DUS4L: variants seen among roughly 807,000 people sequenced by gnomAD.
The protein encoded by DUS4L is dihydrouridine synthase 4 like, also known as tRNA-dihydrouridine(20a/20b) synthase [NAD(P)+]-like.
DUS4L carries 31 observed loss-of-function variants against 33.8 expected under a neutral mutation model. The ratio of observed to expected loss-of-function variants is 0.92; its 90% CI spans 0.69 to 1.24. The LOEUF (loss-of-function observed/expected upper bound fraction) is 1.24. Among genes scored for constraint, DUS4L ranks in the 50% most tolerant of loss-of-function variants. The pLI, the probability that DUS4L is intolerant of heterozygous loss-of-function variation, is 0.00. For missense variants in DUS4L, 368 were observed against 388.6 expected (o/e 0.95, Z 0.45); for synonymous variants, 103 against 120.3 (o/e 0.86, Z 0.94).
At position 107,577,378 on chromosome 7, in the gene DUS4L, C is replaced by T. The variant is rs1805846854; in HGVS notation, c.772C>T (p.Leu258=). The change falls in exon 8 of 8, where the codon CTG becomes TTG. Residue 258 remains leucine (L), a synonymous_variant. Coordinates refer to ENST00000265720, the MANE Select transcript of DUS4L (RefSeq NM_181581.3). ...AMFAGYEETP[L]KCIWDWVDIA... ...GTTTGCTGGATATGAGGAAACCCCA[C>T]TGAAATGCATCTGGGACTGGGTTGA... 1.9e-6 allele frequency: 3 copies of T among 1,614,078 alleles called. No individual in the cohort carries two copies. The highest frequency in any genetic ancestry group is 2.2e-5 in the East Asian group (1 of 44,872).
intron 7 of DUS4L, 55 bp downstream of exon 7, chr7:107,576,647 G>A: frequency 7.0e-7 from 1 of 1,433,934 alleles, no homozygotes; most frequent in Non-Finnish European, 9.5e-7. Context: ...ATGAGAGTGG[G>A]GAAGTAATGT....
chr7:107,574,946 TTTAAC>T (rs1222700222), intron 5 of DUS4L: 4 of 502,740 alleles, frequency 8.0e-6, no homozygotes, highest in Non-Finnish European at 1.4e-5. Context: ...TTGAATGACT[TTTAAC>T]TTAATATTCT....
chr7:107,572,960 TA>T (rs1020295704), intron 4 of DUS4L, among the ~76,000 whole-genome samples: 53 of 152,212 alleles, frequency 3.5e-4, no homozygotes, highest in African/African-American at 9.9e-4. Flanking sequence ...TTTGTTTTAT[TA>T]AAAAAATTAC....
Position 107,564,220 on chromosome 7 carries a change from G to T in DUS4L, c.-111+11G>T. The T allele has an allele frequency of 1.7e-6, 1 of 589,292 alleles. No homozygotes were observed. Among genetic ancestry groups the T allele is most frequent in the Non-Finnish European group, 3.0e-6 (1 of 330,380 alleles). The allele number at this position is 589,292 out of a possible 1,614,324, so 36.5% of individuals were successfully genotyped here. ...CTAGCCAAGGAGAAGGTGGGCACCGGAACGTGGCCGCAGCGCTTATCTGTG... is the reference window on the plus strand; with the variant it reads ...CTAGCCAAGGAGAAGGTGGGCACCGTAACGTGGCCGCAGCGCTTATCTGTG... On this transcript the variant is annotated intron_variant, in intron 1 of 7. Transcript: ENST00000265720.
chr7:107,573,894 T>C (rs899972925), intron 5 of DUS4L, 73 bp downstream of exon 5: 1 of 1,399,130 alleles, frequency 7.1e-7, no homozygotes, highest in South Asian at 1.9e-5. Flanking sequence ...GTAAAATATC[T>C]TTCTAGTTTT....
rs1804304632 is a variant in DUS4L, at chr7:107,564,131, G to T, written c.-189G>T. On this transcript the variant is annotated 5_prime_UTR_variant, in exon 1 of 8. Transcript: ENST00000265720. ...GCACCGAGGGAGCCAAGGCCGTCGGGCCGGCGCTTTCAGCTGTCTCTCGCA... is the reference window on the plus strand; with the variant it reads ...GCACCGAGGGAGCCAAGGCCGTCGGTCCGGCGCTTTCAGCTGTCTCTCGCA... 1.1e-6 allele frequency: 1 copy of T among 919,878 alleles called. No individual in the cohort carries two copies. Among genetic ancestry groups the T allele is most frequent in the Non-Finnish European group, 1.6e-6 (1 of 613,614 alleles). 57.0% of individuals were successfully genotyped at this position (919,878 alleles called of 1,614,324 possible).
chr7:107,576,721 C>T (rs1163978487), intron 7 of DUS4L, 129 bp downstream of exon 7: 1 of 852,074 alleles, frequency 1.2e-6, no homozygotes, highest in African/African-American at 1.8e-5. Context: ...CTGTTTTAAG[C>T]TAAGCGATTT....
In DUS4L at chr7:107,575,237, C is replaced by T. The variant is rs1805623433; in HGVS notation, c.406C>T (p.Leu136Phe). Residue 136 changes from leucine (L) to phenylalanine (F), a missense_variant, in exon 6 of 8, where the codon CTT (leucine) becomes TTT (phenylalanine). Leu to Phe is a conservative substitution (Grantham distance 22). Coordinates refer to ENST00000265720, the MANE Select transcript of DUS4L (RefSeq NM_181581.3). ...GGCTTGCTTAATAAACAAGCCAGAG[C>T]TTGTTCAAGACATGGTGAAACAAGT... ...YGACLINKPE[L>F]VQDMVKQVRN... The T allele has an allele frequency of 6.2e-7, 1 of 1,609,560 alleles. No homozygotes were observed. Among genetic ancestry groups the T allele is most frequent in the African/African-American group, 1.3e-5 (1 of 74,512 alleles).
At chr7:107,576,227 C>A in intron 6 of DUS4L, 139 bp from the exon 7 acceptor site, 1 of 827,754 alleles carries the variant, frequency 1.2e-6, no homozygotes. Context: ...TGAAGAAAAC[C>A]TTGCTGATAA....
Position 107,577,450 on chromosome 7 carries a change from T to G in DUS4L, c.844T>G (p.Leu282Val). 6.2e-7 allele frequency: 1 copy of G among 1,614,124 alleles called. No homozygotes were observed. Among genetic ancestry groups the G allele is most frequent in the East Asian group, 2.2e-5 (1 of 44,878 alleles). The change falls in exon 8 of 8, where the codon TTA becomes GTA. Residue 282 changes from leucine to valine, a missense_variant. Physicochemically the swap from Leu to Val is conservative, Grantham distance 32. Transcript: ENST00000265720. Reference sequence around the variant, plus strand: ...TCCTTACATGTGTTTCCATCAACATTTAATGTACATGATGGAAAAGATAAC... The same window carrying G: ...TCCTTACATGTGTTTCCATCAACATGTAATGTACATGATGGAAAAGATAAC... ...GTPYMCFHQH[L>V]MYMMEKITSR...
Position 107,577,624 on chromosome 7 carries a change from A to G in DUS4L, c.*64A>G. 6.6e-7 allele frequency: 1 copy of G among 1,515,656 alleles called. No individual in the cohort carries two copies. The highest frequency in any genetic ancestry group is 8.9e-7 in the Non-Finnish European group (1 of 1,126,088). The allele number at this position is 1,515,656 out of a possible 1,614,324, so 93.9% of individuals were successfully genotyped here. A position where few individuals can be genotyped will look rare whatever the true frequency, so the allele number is the denominator to read the frequency against. Reference sequence around the variant, plus strand: ...CCACAGTGAAACCACAGAAGGTCATATTTTGTACCTTAAACCAGTAGCTCT... The same window carrying G: ...CCACAGTGAAACCACAGAAGGTCATGTTTTGTACCTTAAACCAGTAGCTCT... On this transcript the variant is annotated 3_prime_UTR_variant, in exon 8 of 8. Coordinates refer to ENST00000265720, the MANE Select transcript of DUS4L (RefSeq NM_181581.3).
chr7:107,577,040 C>G (rs1466360358), intron 7 of DUS4L: 1 of 381,186 alleles, frequency 2.6e-6, no homozygotes, highest in Non-Finnish European at 4.6e-6. Flanking sequence ...TATGACAATC[C>G]AGATTTACCC....
At position 107,564,356 on chromosome 7, in the gene DUS4L, G is replaced by C. The variant is rs886061881; in HGVS notation, c.-111+147G>C. 3.1e-6 allele frequency: 1 copy of C among 324,686 alleles called. No individual in the cohort carries two copies. Among genetic ancestry groups the C allele is most frequent in the East Asian group, 7.3e-5 (1 of 13,646 alleles). 20.1% of individuals were successfully genotyped at this position (324,686 alleles called of 1,614,324 possible). On this transcript the variant is annotated intron_variant, in intron 1 of 7. Coordinates refer to ENST00000265720, the MANE Select transcript of DUS4L (RefSeq NM_181581.3). ...CCACACTCACAAGAGTCACGCGTTA[G>C]TTGCTACACAGCTTTATCTGTTCCA...
Position 107,576,601 on chromosome 7 carries a change from T to C in DUS4L, c.706+9T>C. 1 of 1,555,840 alleles carries C rather than the reference T, an allele frequency of 6.4e-7. No individual in the cohort carries two copies. Among genetic ancestry groups the C allele is most frequent in the Non-Finnish European group, 8.6e-7 (1 of 1,160,412 alleles). The stretch of plus-strand genomic sequence containing the variant: ...GATTACTGGGACAGATGGTAAGAAA[T>C]AAGTACTTGGGTTCTTTTAATTGGG... On this transcript the variant is annotated intron_variant, in intron 7 of 7. Transcript: ENST00000265720.
intron 4 of DUS4L, 48 bp downstream of exon 4, chr7:107,571,314 T>G: frequency 1.7e-5 from 27 of 1,573,600 alleles, no homozygotes; most frequent in Non-Finnish European, 2.1e-5. Flanking sequence ...TTAAATTTGT[T>G]TACAAACTCA....
chr7:107,570,518 G>A (rs1805118776), intron 3 of DUS4L: 1 of 152,570 alleles, frequency 6.6e-6, no homozygotes, highest in Non-Finnish European at 1.5e-5. Context: ...CTCCCCTTGT[G>A]GCCTCCACTG....
Position 107,573,703 on chromosome 7 carries a change from G to C in DUS4L, c.239-1G>C, listed in dbSNP as rs1335169122. On this transcript the variant is annotated splice_acceptor_variant, in intron 4 of 7. Coordinates refer to ENST00000265720, the MANE Select transcript of DUS4L (RefSeq NM_181581.3). LOFTEE classifies it high-confidence loss of function. ...TAATGTTGAGCTATTCATTTTGTCAGGTGATTGCCCATTGATTGTTCAGTT... is the reference window on the plus strand; with the variant it reads ...TAATGTTGAGCTATTCATTTTGTCACGTGATTGCCCATTGATTGTTCAGTT... 3 of 1,605,648 alleles carry C rather than the reference G, an allele frequency of 1.9e-6. No individual in the cohort carries two copies. In the African/African-American group the frequency reaches 4.0e-5, roughly 22 times the overall value.
rs1804775653 is a variant in DUS4L at position 107,567,049 on chromosome 7, GATTTGAA to G, written c.-20_-14del. On this transcript the variant is annotated splice_region_variant and 5_prime_UTR_variant, in exon 3 of 8. Transcript: ENST00000265720. ...CTATACAAGCTTATTGTCTTTTTCA[GATTTGAA>G]ACATATCTGTATTAATGAAGAGTGA... 6.3e-7 allele frequency: 1 copy of G among 1,585,150 alleles called. No homozygotes were observed.
At chr7:107,574,255 A>C (rs1324758035) in intron 5 of DUS4L, among the ~76,000 whole-genome samples, 1 of 152,094 alleles carries the variant, frequency 6.6e-6, no homozygotes, top group African/African-American at 2.4e-5. Flanking sequence ...ATACCTTATT[A>C]TAATCACTTT....
Sources: allele counts gnomAD v4.1 joint callset (sites outside exome capture counted in the v4.1 genomes callset), GRCh38; gene constraint gnomAD v4.1.1; transcripts MANE v1.5; gene names NCBI Gene and HGNC (gene_info 2026-07-23, HGNC 2026-07-21).